LRBA: variants seen among roughly 807,000 people sequenced by gnomAD.
LRBA encodes the protein LPS responsive beige-like anchor protein.
In LRBA, 176 loss-of-function variants were observed where a neutral mutation model predicts 330.0. That is an observed-to-expected ratio of 0.53 (90% CI 0.47 to 0.60). LRBA has a LOEUF of 0.60. LRBA is among the 20% of genes least tolerant of loss of function. The pLI is 0.00. For missense variants in LRBA, 3,259 were observed against 3,444.8 expected, an observed-to-expected ratio of 0.95 and a Z score of 1.35; for synonymous variants, 1,230 against 1,193.0, an observed-to-expected ratio of 1.03 and a Z score of -0.64.
At position 150,900,088 on chromosome 4, in the gene LRBA, T is replaced by C. The variant is rs535969992; in HGVS notation, c.1885A>G (p.Asn629Asp). ...HTLKYYYWAV[N>D]PQDRSGITPK... ...GTGATACCACTTCGATCCTGAGGAT[T>C]CACTGCCCAGTAGTAGTACTTCAGC... is the stretch of plus-strand genomic sequence containing the variant. The change falls in exon 14 of 57, where the codon AAT becomes GAT. Residue 629 changes from asparagine to aspartate, a missense_variant. Transcript: ENST00000651943. The C allele has an allele frequency of 6.2e-7, 1 of 1,613,626 alleles. No homozygotes were observed. Among genetic ancestry groups the C allele is most frequent in the Admixed American group, 1.7e-5 (1 of 59,976 alleles).
intron 17 of LRBA, among the ~76,000 whole-genome samples, chr4:150,883,592 A>G (rs1427206164): frequency 6.6e-6 from 1 of 152,186 alleles, no homozygotes; most frequent in Non-Finnish European, 1.5e-5. Flanking sequence ...TTTTTAAATC[A>G]TCGAAAACAA....
intron 2 of LRBA, among the ~76,000 whole-genome samples, chr4:151,007,268 G>A (rs929427830): frequency 2.0e-4 from 31 of 152,170 alleles, no homozygotes; most frequent in Non-Finnish European, 4.0e-4. Flanking sequence ...TTGGGAGGCC[G>A]AGGCGGACGG....
chr4:150,458,544 G>A (rs1754367970), intron 44 of LRBA, among the ~76,000 whole-genome samples: 1 of 151,782 alleles, frequency 6.6e-6, no homozygotes, highest in Non-Finnish European at 1.5e-5. Context: ...CTTATAAATG[G>A]TAACAGGAAT....
At chr4:150,359,706 C>T (rs992608117) in intron 47 of LRBA, among the ~76,000 whole-genome samples, 6 of 152,026 alleles carry the variant, frequency 3.9e-5, no homozygotes, top group African/African-American at 7.2e-5. Context: ...TTTGACCAGG[C>T]GCAGTGGGTT....
At chr4:150,346,774 A>AAC (rs1736398254) in intron 48 of LRBA, among the ~76,000 whole-genome samples, 2 of 150,660 alleles carry the variant, frequency 1.3e-5, no homozygotes, top group African/African-American at 4.9e-5. Flanking sequence ...AAAAAAAAAA[A>AAC]AAAAAAAAAA....
chr4:150,365,514 G>A (rs982772252), intron 47 of LRBA, among the ~76,000 whole-genome samples: 2 of 152,086 alleles, frequency 1.3e-5, no homozygotes, highest in African/African-American at 2.4e-5. Context: ...ATTTTAGGCT[G>A]GGCACGGTGG....
chr4:150,786,607 T>C (rs1168445209), intron 34 of LRBA, among the ~76,000 whole-genome samples: 3 of 151,968 alleles, frequency 2.0e-5, no homozygotes, highest in Non-Finnish European at 4.4e-5. Flanking sequence ...GACTCAAGGG[T>C]CCTGTAGCCC....
chr4:150,558,460 A>AGAG (rs1353967249), intron 40 of LRBA, among the ~76,000 whole-genome samples: 2 of 152,188 alleles, frequency 1.3e-5, no homozygotes, highest in African/African-American at 2.4e-5. Context: ...TTGACTATTG[A>AGAG]GAGCTCTTTC....
chr4:150,995,278 C>T (rs1742507685), intron 2 of LRBA, among the ~76,000 whole-genome samples: 1 of 151,684 alleles, frequency 6.6e-6, no homozygotes, highest in Non-Finnish European at 1.5e-5. Flanking sequence ...GTACACTAAA[C>T]CCAAGCCTTC....
intron 4 of LRBA, among the ~76,000 whole-genome samples, chr4:150,924,288 G>T (rs1733635643): frequency 6.6e-6 from 1 of 152,132 alleles, no homozygotes; most frequent in Non-Finnish European, 1.5e-5. Context: ...AAGGTGGAGG[G>T]ATCGCTTGAG....
chr4:150,707,828 T>C (rs1248972814), intron 36 of LRBA, among the ~76,000 whole-genome samples: 1 of 151,722 alleles, frequency 6.6e-6, no homozygotes, highest in Non-Finnish European at 1.5e-5. Context: ...CATGAATATA[T>C]AAATAGTGAG....
In LRBA at chr4:150,503,880, T is replaced by C. The variant is rs1026980210; in HGVS notation, c.6331-12845A>G. 3.3e-5 allele frequency among the ~76,000 whole-genome samples: 5 copies of C among 151,904 alleles called. No individual in the cohort carries two copies. In the East Asian group the frequency reaches 5.8e-4, roughly 18 times the overall value. On this transcript the variant is annotated intron_variant, in intron 40 of 56. Coordinates refer to ENST00000651943, the MANE Select transcript of LRBA (RefSeq NM_001364905.1). ...ACGAATGGATAACTAGAATAACCAA[T>C]GCAGAGAAGTCCTTAAAGGACCTGA...
At chr4:150,990,131 T>G (rs917784793) in intron 2 of LRBA, among the ~76,000 whole-genome samples, 36 of 152,148 alleles carry the variant, frequency 2.4e-4, no homozygotes, top group African/African-American at 8.7e-4. Flanking sequence ...AGGGTGGATA[T>G]CTTGAGGATT....
chr4:151,002,987 C>A (rs1267254144), intron 2 of LRBA, among the ~76,000 whole-genome samples: 1 of 151,684 alleles, frequency 6.6e-6, no homozygotes, highest in Non-Finnish European at 1.5e-5. Context: ...GCACTCCAGC[C>A]TGGGCAATAG....
chr4:150,357,607 A>T (rs1738041034), intron 47 of LRBA, among the ~76,000 whole-genome samples: 1 of 151,818 alleles, frequency 6.6e-6, no homozygotes. Context: ...CAACATACAG[A>T]TATGCTAAAC....
intron 36 of LRBA, among the ~76,000 whole-genome samples, chr4:150,722,214 T>C (rs1327712825): frequency 6.6e-6 from 1 of 151,910 alleles, no homozygotes; most frequent in Non-Finnish European, 1.5e-5. Flanking sequence ...GAAAAAAATA[T>C]ATAAAGTTAA....
At position 150,583,221 on chromosome 4, in the gene LRBA, G is replaced by T. The variant is rs1771630595; in HGVS notation, c.6330+4827C>A. 1 of 1,614,110 alleles carries T rather than the reference G, an allele frequency of 6.2e-7. No homozygotes were observed. The highest frequency in any genetic ancestry group is 8.5e-7 in the Non-Finnish European group (1 of 1,180,054). On this transcript the variant is annotated intron_variant, in intron 40 of 56. Coordinates refer to ENST00000651943, the MANE Select transcript of LRBA (RefSeq NM_001364905.1). The surrounding 1 kb of genome is among the most constrained non-coding windows in gnomAD (Gnocchi z 9.8). ...TGAGCGAGATCGATGCCCGCTACGA[G>T]GGGCTCGAGGTCATTTCGCCCACCG...
chr4:150,737,898 C>T (rs1250056983), intron 35 of LRBA, among the ~76,000 whole-genome samples: 1 of 151,016 alleles, frequency 6.6e-6, no homozygotes, highest in African/African-American at 2.4e-5. Flanking sequence ...ATGTGCCCTT[C>T]ATTACTTCAC....
At chr4:150,791,617 G>C (rs1345957106) in intron 34 of LRBA, among the ~76,000 whole-genome samples, 1 of 152,120 alleles carries the variant, frequency 6.6e-6, no homozygotes, top group Non-Finnish European at 1.5e-5. Context: ...TTTGAACTGA[G>C]CCTGATTGAC....
Sources: allele counts gnomAD v4.1 joint callset (sites outside exome capture counted in the v4.1 genomes callset), GRCh38; gene constraint gnomAD v4.1.1; non-coding constraint Gnocchi (gnomAD v3.1); transcripts MANE v1.5; gene names NCBI Gene and HGNC (gene_info 2026-07-23, HGNC 2026-07-21).